Variants in GRM7 observed in about 807,000 individuals in gnomAD.
GRM7 encodes metabotropic glutamate receptor 7.
Under a neutral mutation model 84.5 loss-of-function variants are expected in GRM7, and 35 were observed. The ratio of observed to expected loss-of-function variants is 0.41; its 90% CI spans 0.32 to 0.55. The LOEUF (loss-of-function observed/expected upper bound fraction) is 0.55, where lower values mean the gene tolerates loss of function less well. GRM7 is among the 20% of genes least tolerant of loss of function. The pLI, the probability that GRM7 is intolerant of heterozygous loss-of-function variation, is 0.19. For missense variants in GRM7, 1,003 were observed against 1,194.6 expected (o/e 0.84, Z 2.36); for synonymous variants, 487 against 455.1 (o/e 1.07, Z -0.89).
At chr3:7,114,402 A>C (rs1056257860) in intron 1 of GRM7, among the ~76,000 whole-genome samples, 2 of 152,172 alleles carry the variant, frequency 1.3e-5, no homozygotes, top group Non-Finnish European at 2.9e-5. Context: ...CTATTCTCCA[A>C]TTATTTAACT....
chr3:7,341,343 T>A (rs969562785), intron 4 of GRM7, among the ~76,000 whole-genome samples: 4 of 151,502 alleles, frequency 2.6e-5, no homozygotes, highest in Non-Finnish European at 5.9e-5. Flanking sequence ...GAGAAGATAA[T>A]GTTACAAATA....
chr3:7,194,167 T>G (rs1559495820), intron 2 of GRM7, among the ~76,000 whole-genome samples: 1 of 152,140 alleles, frequency 6.6e-6, no homozygotes, highest in Non-Finnish European at 1.5e-5. Flanking sequence ...CTCCTCCAGT[T>G]TGTGGTTTCC....
At chr3:7,566,134 T>G (rs1231203268) in intron 7 of GRM7, among the ~76,000 whole-genome samples, 2 of 106,298 alleles carry the variant, frequency 1.9e-5, no homozygotes, top group Non-Finnish European at 3.8e-5. Flanking sequence ...TTTTTTTTTG[T>G]AAAAGATCAG....
chr3:7,303,220 G>A (rs746216473), intron 3 of GRM7, among the ~76,000 whole-genome samples: 15 of 152,164 alleles, frequency 9.9e-5, no homozygotes, highest in East Asian at 1.9e-4. Context: ...GATTACAGGC[G>A]TGAGCCACCG....
chr3:7,477,980 G>A lies in GRM7; in HGVS notation c.1515+16258G>A, dbSNP rs375596843. Among the ~76,000 whole-genome samples the A allele has an allele frequency of 8.0e-4, 122 of 152,218 alleles. 3 individuals carry two copies. In the South Asian group the frequency reaches 0.021, roughly 26 times the overall value. On this transcript the variant is annotated intron_variant, in intron 7 of 9. Coordinates refer to ENST00000357716, the MANE Select transcript of GRM7 (RefSeq NM_000844.4). ...CCAATCTTCCTGCTCTTCCTGAAGAGCAAGTTCAATAAGATAACTTTATCA... is the reference window on the plus strand; with the variant it reads ...CCAATCTTCCTGCTCTTCCTGAAGAACAAGTTCAATAAGATAACTTTATCA...
chr3:7,594,201 G>A (rs1695928365), intron 8 of GRM7, among the ~76,000 whole-genome samples: 1 of 152,038 alleles, frequency 6.6e-6, no homozygotes, highest in Non-Finnish European at 1.5e-5. Context: ...TAGCAAATTA[G>A]CCTCCTAGGC....
chr3:7,671,830 T>C (rs1699930667), intron 8 of GRM7, among the ~76,000 whole-genome samples: 1 of 152,084 alleles, frequency 6.6e-6, no homozygotes, highest in Admixed American at 6.5e-5. Context: ...ACACATGATT[T>C]CTTTTCATAT....
intron 1 of GRM7, among the ~76,000 whole-genome samples, chr3:7,141,113 C>T (rs1199573008): frequency 6.6e-6 from 1 of 151,846 alleles, no homozygotes; most frequent in African/African-American, 2.4e-5. Flanking sequence ...AGGAATTTTT[C>T]CTATTATCAC....
At chr3:7,091,176 G>A (rs556768211) in intron 1 of GRM7, among the ~76,000 whole-genome samples, 8 of 147,428 alleles carry the variant, frequency 5.4e-5, no homozygotes, top group Non-Finnish European at 8.9e-5. Context: ...AATAGGTGTC[G>A]AAAGGATTGA....
intron 1 of GRM7, among the ~76,000 whole-genome samples, chr3:7,008,713 G>A (rs949521564): frequency 2.6e-5 from 4 of 152,130 alleles, no homozygotes; most frequent in Non-Finnish European, 4.4e-5. Flanking sequence ...TCATTTTGGG[G>A]CCAGAAGTGG....
intron 2 of GRM7, among the ~76,000 whole-genome samples, chr3:7,197,815 A>G (rs1695929561): frequency 6.6e-6 from 1 of 152,152 alleles, no homozygotes; most frequent in African/African-American, 2.4e-5. Context: ...ATTCATAATT[A>G]AAAGTCCAGT....
At chr3:7,131,037 T>A (rs1226262817) in intron 1 of GRM7, among the ~76,000 whole-genome samples, 2 of 152,214 alleles carry the variant, frequency 1.3e-5, no homozygotes, top group Non-Finnish European at 2.9e-5. Context: ...AATTTAACGC[T>A]AAGACTTTCC....
intron 6 of GRM7, among the ~76,000 whole-genome samples, chr3:7,459,580 G>A (rs1559337771): frequency 6.6e-6 from 1 of 152,104 alleles, no homozygotes; most frequent in Non-Finnish European, 1.5e-5. Flanking sequence ...AAAAGAGAAT[G>A]AGAGCCAAGT....
At chr3:6,938,412 C>G (rs991649972) in intron 1 of GRM7, among the ~76,000 whole-genome samples, 1 of 152,216 alleles carries the variant, frequency 6.6e-6, no homozygotes, top group Non-Finnish European at 1.5e-5. Flanking sequence ...CTCCACTGCT[C>G]TGTCTCCCAC....
At chr3:7,244,363 A>C (rs1697676258) in intron 2 of GRM7, among the ~76,000 whole-genome samples, 1 of 152,090 alleles carries the variant, frequency 6.6e-6, no homozygotes, top group South Asian at 2.1e-4. Flanking sequence ...TTATTATTAG[A>C]ACATGGAGCA....
chr3:7,211,709 AGG>A (rs1696435713), intron 2 of GRM7, among the ~76,000 whole-genome samples: 5 of 151,250 alleles, frequency 3.3e-5, no homozygotes, highest in Non-Finnish European at 7.4e-5. Flanking sequence ...GGATGTCAAC[AGG>A]AATAGCTACA....
chr3:7,574,363 T>C (rs111515363), intron 7 of GRM7, among the ~76,000 whole-genome samples: 1,713 of 152,286 alleles, frequency 0.011, 34 homozygotes, highest in African/African-American at 0.038. Flanking sequence ...TTTCACTATG[T>C]TGGCCAGGCT....
At chr3:6,965,750 A>G (rs749041774) in intron 1 of GRM7, among the ~76,000 whole-genome samples, 4 of 152,100 alleles carry the variant, frequency 2.6e-5, no homozygotes, top group Non-Finnish European at 5.9e-5. Flanking sequence ...CTCCAACTCA[A>G]TTTCCGCCTA....
At chr3:7,233,410 G>T (rs982556254) in intron 2 of GRM7, among the ~76,000 whole-genome samples, 3 of 152,100 alleles carry the variant, frequency 2.0e-5, no homozygotes, top group Non-Finnish European at 4.4e-5. Context: ...CACCACTATA[G>T]TTGGTTGAAA....
Sources: allele counts gnomAD v4.1 joint callset (sites outside exome capture counted in the v4.1 genomes callset), GRCh38; gene constraint gnomAD v4.1.1; transcripts MANE v1.5; gene names NCBI Gene and HGNC (gene_info 2026-07-23, HGNC 2026-07-21).